The following TEK variants were observed in gnomAD, a reference collection of about 807,000 sequenced individuals.
TEK encodes TEK receptor tyrosine kinase.
Under a neutral mutation model 131.8 loss-of-function variants are expected in TEK, and 43 were observed. The ratio of observed to expected loss-of-function variants is 0.33; its 90% confidence interval spans 0.26 to 0.42. The LOEUF is 0.42. TEK is among the 10% of genes least tolerant of loss of function. The pLI, the probability that TEK is intolerant of heterozygous loss-of-function variation, is 1.00. For synonymous variants in TEK, 580 were observed against 491.6 expected, an observed-to-expected ratio of 1.18 and a Z score of -2.38; for missense variants, 1,162 against 1,384.4, an observed-to-expected ratio of 0.84 and a Z score of 2.55.
At chr9:27,219,582 C>T (rs1825968784) in intron 20 of TEK, among the ~76,000 whole-genome samples, 1 of 117,872 alleles carries the variant, frequency 8.5e-6, no homozygotes, top group Non-Finnish European at 1.9e-5. Flanking sequence ...TGCAGCAAAC[C>T]ACCCACCATG....
rs759300480 is a variant in TEK, at chr9:27,209,218, A to T, written c.2673A>T (p.Ala891=). The T allele has an allele frequency of 2.5e-6, 4 of 1,612,968 alleles. No individual in the cohort carries two copies. The highest frequency in any genetic ancestry group is 1.1e-5 in the South Asian group (1 of 91,064). The change falls in exon 16 of 23, where the codon GCA becomes GCT. Residue 891 remains alanine, a synonymous_variant. Coordinates refer to ENST00000380036, the MANE Select transcript of TEK (RefSeq NM_000459.5). The part of the protein sequence containing the change: ...HHPNIINLLG[A]CEHRGYLYLA... Reference sequence around the variant, plus strand: ...CAAACATCATCAATCTCTTAGGAGCATGTGAACATCGAGGTAAGATGCTCT... The same window carrying T: ...CAAACATCATCAATCTCTTAGGAGCTTGTGAACATCGAGGTAAGATGCTCT...
At chr9:27,182,146 G>A (rs1238458141) in intron 7 of TEK, among the ~76,000 whole-genome samples, 1 of 152,156 alleles carries the variant, frequency 6.6e-6, no homozygotes, top group Non-Finnish European at 1.5e-5. Context: ...TTTGTGCTTT[G>A]TTCCTTCCCG....
At chr9:27,135,715 C>T (rs625767) in intron 1 of TEK, among the ~76,000 whole-genome samples, 59,685 of 151,674 alleles carry the variant, frequency 0.39, 12,223 homozygotes, top group East Asian at 0.61. Context: ...GAATTCAAAC[C>T]CAGGATGGCT....
At chr9:27,167,240 A>ATTTTT (rs774581067) in intron 2 of TEK, among the ~76,000 whole-genome samples, 6 of 150,930 alleles carry the variant, frequency 4.0e-5, no homozygotes, top group Admixed American at 6.8e-5. Context: ...ATTTTATTTT[A>ATTTTT]TTTTTGAGAC....
intron 21 of TEK, among the ~76,000 whole-genome samples, chr9:27,225,708 G>C (rs186306504): frequency 6.6e-6 from 1 of 152,038 alleles, no homozygotes; most frequent in East Asian, 1.9e-4. Flanking sequence ...CACCAAAAGC[G>C]ATGGCAACAA....
intron 2 of TEK, among the ~76,000 whole-genome samples, chr9:27,167,684 A>G (rs981033030): frequency 6.6e-6 from 1 of 152,196 alleles, no homozygotes; most frequent in Non-Finnish European, 1.5e-5. Flanking sequence ...CAATCTTCCA[A>G]TATTTACACC....
rs377589075 is a variant in TEK, at chr9:27,193,132, C to T, written c.1624+509C>T. Among the ~76,000 whole-genome samples, 14 of 152,286 alleles carry T rather than the reference C, an allele frequency of 9.2e-5. 1 individual carries two copies. The East Asian group carries it at 2.3e-3, about 25-fold the overall frequency. On this transcript the variant is annotated intron_variant, in intron 11 of 22. Coordinates refer to ENST00000380036, the MANE Select transcript of TEK (RefSeq NM_000459.5). Reference sequence around the variant, plus strand: ...ATCAAATAGAATAAGAAGCTTTTATCTAAAGAACAGCATTCTCCTGCTCCA... The same window carrying T: ...ATCAAATAGAATAAGAAGCTTTTATTTAAAGAACAGCATTCTCCTGCTCCA...
At position 27,219,953 on chromosome 9, in the gene TEK, T is replaced by A. The variant is rs1825994554; in HGVS notation, c.3104-96T>A. ...ATGCTCACCCTCTCTTGCCATACCA[T>A]GTCTTCCTCCTGGCCCCTTATATTT... On this transcript the variant is annotated intron_variant, in intron 20 of 22. Coordinates refer to ENST00000380036, the MANE Select transcript of TEK (RefSeq NM_000459.5). 5 of 1,275,350 alleles carry A rather than the reference T, an allele frequency of 3.9e-6. No individual in the cohort carries two copies. In the South Asian group the frequency reaches 6.0e-5, roughly 15 times the overall value. 79.0% of individuals were successfully genotyped at this position (1,275,350 alleles called of 1,614,324 possible). A position where few individuals can be genotyped will look rare whatever the true frequency, so the allele number is the denominator to read the frequency against.
chr9:27,217,796 C>CT (rs397743552), intron 19 of TEK, 38 bp downstream of exon 19: 10 of 1,557,212 alleles, frequency 6.4e-6, no homozygotes, highest in African/African-American at 5.4e-5. Context: ...TTTTTTTTCC[C>CT]TCCCAGAAAC....
intron 12 of TEK, among the ~76,000 whole-genome samples, chr9:27,201,771 T>G (rs996663723): frequency 1.3e-5 from 2 of 152,212 alleles, no homozygotes; most frequent in African/African-American, 4.8e-5. Context: ...GTAACTTTCA[T>G]GTGGAAAAAC....
intron 6 of TEK, among the ~76,000 whole-genome samples, chr9:27,176,864 C>T (rs1824189814): frequency 6.6e-6 from 1 of 152,222 alleles, no homozygotes; most frequent in African/African-American, 2.4e-5. Context: ...CCTGTAGTCC[C>T]TGGGAACCAC....
At chr9:27,152,670 A>C (rs1469526399) in intron 1 of TEK, among the ~76,000 whole-genome samples, 1 of 150,186 alleles carries the variant, frequency 6.7e-6, no homozygotes, top group Non-Finnish European at 1.5e-5. Flanking sequence ...TCTAGAGTCC[A>C]TTCTGTTGAT....
intron 1 of TEK, among the ~76,000 whole-genome samples, chr9:27,115,007 A>G (rs1587470826): frequency 6.6e-6 from 1 of 152,224 alleles, no homozygotes; most frequent in African/African-American, 2.4e-5. Flanking sequence ...ATAAATAAGG[A>G]TAAATAATTT....
chr9:27,222,284 C>G (rs474135), intron 21 of TEK, among the ~76,000 whole-genome samples: 1 of 152,236 alleles, frequency 6.6e-6, no homozygotes, highest in South Asian at 2.1e-4. Context: ...GTTGGAAAAC[C>G]CTCTTCAGGA....
At chr9:27,218,474 T>A (rs1825914120) in intron 19 of TEK, among the ~76,000 whole-genome samples, 1 of 152,106 alleles carries the variant, frequency 6.6e-6, no homozygotes, top group Non-Finnish European at 1.5e-5. Context: ...TGGCAGAGAT[T>A]GGATTTAACT....
intron 6 of TEK, among the ~76,000 whole-genome samples, chr9:27,174,889 G>A (rs1248887453): frequency 6.6e-6 from 1 of 152,052 alleles, no homozygotes; most frequent in African/African-American, 2.4e-5. Context: ...CCAGGAAGCG[G>A]TGCATGCCAG....
chr9:27,162,346 T>C (rs1249752722), intron 2 of TEK, among the ~76,000 whole-genome samples: 2 of 152,190 alleles, frequency 1.3e-5, no homozygotes, highest in East Asian at 3.9e-4. Context: ...TTAAATTGGC[T>C]CACACACTCC....
intron 1 of TEK, among the ~76,000 whole-genome samples, chr9:27,116,794 C>G (rs1038351798): frequency 6.6e-6 from 1 of 151,480 alleles, no homozygotes; most frequent in Non-Finnish European, 1.5e-5. Flanking sequence ...ACAGGAGAAG[C>G]AAAACCAATG....
intron 21 of TEK, among the ~76,000 whole-genome samples, chr9:27,225,260 A>C (rs10967781): frequency 0.35 from 53,254 of 152,032 alleles, 9,641 homozygotes; most frequent in African/African-American, 0.41. Context: ...ATATGGAACC[A>C]AAAAAGAGCC....
Sources: gnomAD v4.1 joint callset for allele counts (sites outside exome capture counted in the v4.1 genomes callset) on GRCh38, gnomAD v4.1.1 for gene constraint, MANE v1.5 for transcripts, NCBI Gene and HGNC (gene_info 2026-07-23, HGNC 2026-07-21) for gene names.